Variants in ABLIM2 observed in about 807,000 individuals in gnomAD.
The protein encoded by ABLIM2 is actin-binding LIM protein 2.
Under a neutral mutation model 97.7 loss-of-function variants are expected in ABLIM2, and 53 were observed. That is an observed-to-expected ratio of 0.54 (90% CI 0.44 to 0.68). ABLIM2 has a LOEUF of 0.68. Among genes scored for constraint, ABLIM2 ranks in the 30% least tolerant of loss-of-function variants. The probability of loss-of-function intolerance (pLI) is 0.00; values close to 1 mark genes in which losing one functional copy is unlikely to be tolerated. For missense variants in ABLIM2, 835 were observed against 867.2 expected, an observed-to-expected ratio of 0.96 and a Z score of 0.47; for synonymous variants, 361 against 345.8, an observed-to-expected ratio of 1.04 and a Z score of -0.49.
At chr4:7,978,076 A>C (rs919595472) in intron 20 of ABLIM2, among the ~76,000 whole-genome samples, 2 of 152,120 alleles carry the variant, frequency 1.3e-5, no homozygotes, top group Non-Finnish European at 1.5e-5. Flanking sequence ...CTTTTATGAC[A>C]GTTAAGATTT....
rs1031370843 is a variant in ABLIM2, at chr4:8,148,666, T to A, written c.10+10014A>T. Among the ~76,000 whole-genome samples, 13 of 151,786 alleles carry A rather than the reference T, an allele frequency of 8.6e-5. No individual in the cohort carries two copies. The highest frequency in any genetic ancestry group is 2.9e-4 in the African/African-American group (12 of 41,272). On this transcript the variant is annotated intron_variant, in intron 1 of 20. Coordinates refer to ENST00000447017, the MANE Select transcript of ABLIM2 (RefSeq NM_001130083.2). This position sits in a 1 kb window ranked among gnomAD's most constrained non-coding sequence, Gnocchi z 6.7. Reference sequence around the variant, plus strand: ...TCCCCCGTGGGCATGCACAGCAGAGTCCTGCTTGCCTGGAAGCAAATGCTA... The same window carrying A: ...TCCCCCGTGGGCATGCACAGCAGAGACCTGCTTGCCTGGAAGCAAATGCTA...
intron 14 of ABLIM2, among the ~76,000 whole-genome samples, chr4:8,013,626 TGGTGATTG>T (rs1766608817): frequency 6.6e-6 from 1 of 152,236 alleles, no homozygotes; most frequent in African/African-American, 2.4e-5. Flanking sequence ...GTCACATAGC[TGGTGATTG>T]GAACCTTGTC....
chr4:8,107,831 A>C (rs915177468), intron 1 of ABLIM2, among the ~76,000 whole-genome samples: 1 of 152,214 alleles, frequency 6.6e-6, no homozygotes, highest in Non-Finnish European at 1.5e-5. Context: ...GCCCAACATC[A>C]TCACGGGGGC....
rs1453973664 is a variant in ABLIM2 at position 8,021,193 on chromosome 4, T to C, written c.1268-890A>G. Among the ~76,000 whole-genome samples the C allele has an allele frequency of 1.3e-5, 2 of 152,176 alleles. No homozygotes were observed. The highest frequency in any genetic ancestry group is 2.1e-4 in the South Asian group (1 of 4,812). On this transcript the variant is annotated intron_variant, in intron 12 of 20. Transcript: ENST00000447017. This position sits in a 1 kb window ranked among gnomAD's most constrained non-coding sequence, Gnocchi z 5.5. ...TACAACTGCTTTTTGGCAAATTAAA[T>C]GGAAAGCATCCTCTGACCCTGCTTC... is the stretch of plus-strand genomic sequence containing the variant.
At position 8,123,548 on chromosome 4, in the gene ABLIM2, C is replaced by G. The variant is rs552764556; in HGVS notation, c.11-16911G>C. On this transcript the variant is annotated intron_variant, in intron 1 of 20. Transcript: ENST00000447017. This position sits in a 1 kb window ranked among gnomAD's most constrained non-coding sequence, Gnocchi z 6.2. ...TCCGGCATGTCTAATTAAAACTGGT[C>G]GTCGGGATGGCTGGCCTGGAGCCCA... 6.6e-6 allele frequency among the ~76,000 whole-genome samples: 1 copy of G among 152,262 alleles called. No homozygotes were observed. The highest frequency in any genetic ancestry group is 1.9e-4 in the East Asian group (1 of 5,180).
chr4:8,027,043 CTCT>C (rs769743972), intron 12 of ABLIM2, among the ~76,000 whole-genome samples: 6 of 152,156 alleles, frequency 3.9e-5, no homozygotes, highest in Non-Finnish European at 8.8e-5. Context: ...GGCGTCTCTT[CTCT>C]TCTTATAAAG....
In ABLIM2 at chr4:7,998,739, T is replaced by A. The variant is rs1755112100; in HGVS notation, c.1619-5812A>T. The stretch of plus-strand genomic sequence containing the variant: ...ACTGCATGGGAGGCTGGGAGTCTGC[T>A]GGCCTGGGCCACCTCCTGCTGCTGG... On this transcript the variant is annotated intron_variant, in intron 16 of 20. Coordinates refer to ENST00000447017, the MANE Select transcript of ABLIM2 (RefSeq NM_001130083.2). The surrounding 1 kb of genome is among the most constrained non-coding windows in gnomAD (Gnocchi z 6.4). 1 of 462,708 alleles carries A rather than the reference T, an allele frequency of 2.2e-6. No individual in the cohort carries two copies. Among genetic ancestry groups the A allele is most frequent in the Admixed American group, 2.3e-5 (1 of 44,006 alleles). The allele number at this position is 462,708 out of a possible 1,614,324, so 28.7% of individuals were successfully genotyped here.
chr4:7,969,291 A>C (rs1725612762), intron 20 of ABLIM2, among the ~76,000 whole-genome samples: 2 of 151,996 alleles, frequency 1.3e-5, no homozygotes. Flanking sequence ...CCATCTCTAC[A>C]AAAATTACAA....
intron 14 of ABLIM2, among the ~76,000 whole-genome samples, chr4:8,016,553 G>A (rs1769375163): frequency 6.6e-6 from 1 of 152,208 alleles, no homozygotes; most frequent in African/African-American, 2.4e-5. Flanking sequence ...GCCAGGGGCT[G>A]TGGTTTGCAC....
At chr4:8,138,094 TAGG>T (rs1192462794) in intron 1 of ABLIM2, among the ~76,000 whole-genome samples, 5 of 152,118 alleles carry the variant, frequency 3.3e-5, no homozygotes, top group Non-Finnish European at 5.9e-5. Flanking sequence ...ATTCCACTGA[TAGG>T]AGGCCCCTAG....
At chr4:8,092,357 C>T (rs1829283425) in intron 3 of ABLIM2, among the ~76,000 whole-genome samples, 7 of 152,134 alleles carry the variant, frequency 4.6e-5, no homozygotes, top group Admixed American at 4.6e-4. Flanking sequence ...ACCCCAAACT[C>T]ACTATGCCAA....
intron 9 of ABLIM2, among the ~76,000 whole-genome samples, chr4:8,036,560 T>C (rs1421477822): frequency 1.3e-5 from 2 of 151,828 alleles, no homozygotes; most frequent in Middle Eastern, 3.4e-3. Flanking sequence ...CTGGTATAGG[T>C]GAAATGGGGA....
chr4:8,016,280 G>A (rs1284705056), intron 14 of ABLIM2, among the ~76,000 whole-genome samples: 2 of 152,068 alleles, frequency 1.3e-5, no homozygotes, highest in African/African-American at 4.8e-5. Flanking sequence ...CTGACCTCAC[G>A]TGATCCACCT....
rs558512302 is a variant in ABLIM2 at position 8,092,392 on chromosome 4, A to T, written c.339-4108T>A. The stretch of plus-strand genomic sequence containing the variant: ...AAGGGAAAGTTAAGCTGGGAACGGA[A>T]TCATGCAAAAACTGCTTTCCTTTTG... On this transcript the variant is annotated intron_variant, in intron 3 of 20. Transcript: ENST00000447017. 2.8e-4 allele frequency among the ~76,000 whole-genome samples: 43 copies of T among 152,196 alleles called. 1 individual carries two copies. The highest frequency in any genetic ancestry group is 2.6e-4 in the Admixed American group (4 of 15,270).
intron 20 of ABLIM2, among the ~76,000 whole-genome samples, chr4:7,968,142 G>A (rs570139185): frequency 6.6e-6 from 1 of 152,374 alleles, no homozygotes; most frequent in East Asian, 1.9e-4. Context: ...TCGCCTGGGC[G>A]GGGCTGAGAG....
chr4:8,094,135 G>C (rs1830217903), intron 3 of ABLIM2, among the ~76,000 whole-genome samples: 1 of 151,894 alleles, frequency 6.6e-6, no homozygotes, highest in South Asian at 2.1e-4. Flanking sequence ...TTTCCACTTC[G>C]GCCATTGTAT....
intron 20 of ABLIM2, among the ~76,000 whole-genome samples, chr4:7,979,821 T>C (rs1471350793): frequency 1.3e-5 from 2 of 152,198 alleles, no homozygotes; most frequent in Non-Finnish European, 2.9e-5. Context: ...TTGCATTCCT[T>C]GGGTCAAACT....
rs1345287718 is a variant in ABLIM2 at position 8,032,582 on chromosome 4, G to A, written c.1048-2806C>T. ...GCCCTTCCCGGGAGTGCGGCTGGGT[G>A]GTTATGTTTATAACCCAGGCAGCAG... On this transcript the variant is annotated intron_variant, in intron 10 of 20. Coordinates refer to ENST00000447017, the MANE Select transcript of ABLIM2 (RefSeq NM_001130083.2). This position sits in a 1 kb window ranked among gnomAD's most constrained non-coding sequence, Gnocchi z 4.3. The A allele has an allele frequency of 6.2e-7, 1 of 1,601,974 alleles. No individual in the cohort carries two copies. Among genetic ancestry groups the A allele is most frequent in the African/African-American group, 1.3e-5 (1 of 74,696 alleles).
chr4:7,979,548 G>A (rs1736348524), intron 20 of ABLIM2, among the ~76,000 whole-genome samples: 1 of 152,240 alleles, frequency 6.6e-6, no homozygotes, highest in African/African-American at 2.4e-5. Flanking sequence ...TGTAACCTAA[G>A]CAGCTGTCAC....
Sources: gnomAD v4.1 joint callset for allele counts (sites outside exome capture counted in the v4.1 genomes callset) on GRCh38, gnomAD v4.1.1 for gene constraint, Gnocchi (gnomAD v3.1) non-coding constraint, MANE v1.5 for transcripts, NCBI Gene and HGNC (gene_info 2026-07-23, HGNC 2026-07-21) for gene names.